BCKDHB: variants seen among roughly 807,000 people sequenced by gnomAD.
BCKDHB encodes the protein branched chain keto acid dehydrogenase E1 subunit beta, also known as 2-oxoisovalerate dehydrogenase subunit beta, mitochondrial.
Under a neutral mutation model 48.5 loss-of-function variants are expected in BCKDHB, and 41 were observed. The ratio of observed to expected loss-of-function variants is 0.85; its 90% CI spans 0.66 to 1.10. BCKDHB has a LOEUF of 1.10. BCKDHB is among the 50% of genes least tolerant of loss of function. BCKDHB has a pLI of 0.00. For synonymous variants in BCKDHB, 201 were observed against 174.8 expected (o/e 1.15, Z -1.18); for missense variants, 496 against 494.2 (o/e 1.00, Z -0.03).
chr6:80,367,085 C>A, the BCKDHB span, among the ~76,000 whole-genome samples: 3 of 152,150 alleles, frequency 2.0e-5, no homozygotes, highest in African/African-American at 7.2e-5. Context: ...TTTATTGATC[C>A]TCTCAGGCTT....
chr6:80,385,631 A>G, the BCKDHB span, among the ~76,000 whole-genome samples: 1 of 152,166 alleles, frequency 6.6e-6, no homozygotes, highest in Non-Finnish European at 1.5e-5. Flanking sequence ...GGCCGTTGCC[A>G]GGCAAAATAA....
intron 3 of BCKDHB, among the ~76,000 whole-genome samples, chr6:80,158,491 C>T (rs1018466687): frequency 6.6e-6 from 1 of 152,042 alleles, no homozygotes; most frequent in South Asian, 2.1e-4. Context: ...AATCTGGAAA[C>T]CTTGGAACCT....
At chr6:80,128,433 TA>T (rs1279714150) in intron 2 of BCKDHB, among the ~76,000 whole-genome samples, 8 of 152,078 alleles carry the variant, frequency 5.3e-5, no homozygotes, top group Non-Finnish European at 1.0e-4. Context: ...ACTGGTTAGG[TA>T]CGTTTATGAG....
intron 9 of BCKDHB, among the ~76,000 whole-genome samples, chr6:80,314,062 A>G (rs1037979215): frequency 6.6e-6 from 1 of 152,034 alleles, no homozygotes; most frequent in African/African-American, 2.4e-5. Flanking sequence ...TTCAATTTCC[A>G]TTTAGTTGTA....
chr6:80,334,660 T>C (rs1020876649), intron 9 of BCKDHB, among the ~76,000 whole-genome samples: 19 of 151,874 alleles, frequency 1.3e-4, no homozygotes, highest in Non-Finnish European at 2.4e-4. Context: ...AAGTTTAATT[T>C]TAGTAAAAAC....
chr6:80,169,678 T>C (rs9448904), intron 5 of BCKDHB: 1 of 701,688 alleles, frequency 1.4e-6, no homozygotes, highest in Non-Finnish European at 2.1e-6. Flanking sequence ...CTGAATAAGC[T>C]TTTCAGGGGA....
At chr6:80,261,404 G>C (rs888829896) in intron 8 of BCKDHB, among the ~76,000 whole-genome samples, 12 of 151,888 alleles carry the variant, frequency 7.9e-5, no homozygotes, top group African/African-American at 2.4e-4. Context: ...AGGGGAGGAG[G>C]GGGAAAGAAA....
At chr6:80,191,611 G>C (rs774277780) in intron 6 of BCKDHB, among the ~76,000 whole-genome samples, 1 of 152,194 alleles carries the variant, frequency 6.6e-6, no homozygotes, top group South Asian at 2.1e-4. Context: ...ACAGTAGCAT[G>C]TTGCAGTCAT....
intron 9 of BCKDHB, among the ~76,000 whole-genome samples, chr6:80,319,943 A>G (rs974979615): frequency 1.3e-5 from 2 of 152,182 alleles, no homozygotes; most frequent in Non-Finnish European, 2.9e-5. Context: ...GAAATAGGAA[A>G]CATTGTATAA....
intron 8 of BCKDHB, among the ~76,000 whole-genome samples, chr6:80,211,663 A>C (rs1774938536): frequency 6.6e-6 from 1 of 152,150 alleles, no homozygotes; most frequent in African/African-American, 2.4e-5. Flanking sequence ...ACCCTTTAGA[A>C]AATGTTCTTT....
the BCKDHB span, among the ~76,000 whole-genome samples, chr6:80,412,347 A>G: frequency 2.0e-5 from 3 of 151,766 alleles, no homozygotes; most frequent in Non-Finnish European, 4.4e-5. Context: ...GGGTTTCACC[A>G]TGTTGGCCAG....
intron 8 of BCKDHB, among the ~76,000 whole-genome samples, chr6:80,210,135 C>CAAAAAAA (rs61476553): frequency 1.8e-5 from 2 of 113,010 alleles, no homozygotes; most frequent in Non-Finnish European, 1.9e-5. Context: ...AAGAAATATA[C>CAAAAAAA]AAAAAAAAAA....
At chr6:80,323,863 C>T (rs966901859) in intron 9 of BCKDHB, among the ~76,000 whole-genome samples, 1 of 152,192 alleles carries the variant, frequency 6.6e-6, no homozygotes, top group Non-Finnish European at 1.5e-5. Flanking sequence ...AGCTCCGCCC[C>T]CCGGGTTCAC....
the BCKDHB span, among the ~76,000 whole-genome samples, chr6:80,363,913 T>C: frequency 5.0e-4 from 76 of 152,332 alleles, 1 homozygote; most frequent in Middle Eastern, 6.8e-3. Flanking sequence ...TGCTTACTTA[T>C]AGTCTTAATG....
the BCKDHB span, among the ~76,000 whole-genome samples, chr6:80,442,222 T>G: frequency 6.6e-6 from 1 of 152,172 alleles, no homozygotes; most frequent in Non-Finnish European, 1.5e-5. Context: ...CTACAGGGTC[T>G]TTTAGATCAT....
At chr6:80,407,580 A>G in the BCKDHB span, among the ~76,000 whole-genome samples, 4 of 152,164 alleles carry the variant, frequency 2.6e-5, no homozygotes, top group Admixed American at 6.5e-5. Context: ...AATTCTTGTA[A>G]GTTGGATTCC....
the BCKDHB span, among the ~76,000 whole-genome samples, chr6:80,425,345 A>G: frequency 2.0e-5 from 3 of 152,336 alleles, no homozygotes; most frequent in African/African-American, 2.4e-5. Context: ...TGAGCTGCCA[A>G]ATTTTCCTTT....
chr6:80,304,256 A>G (rs1767737163), intron 9 of BCKDHB, among the ~76,000 whole-genome samples: 1 of 152,076 alleles, frequency 6.6e-6, no homozygotes, highest in Non-Finnish European at 1.5e-5. Flanking sequence ...TTGTTATCCT[A>G]GGCAGAGTTG....
the BCKDHB span, among the ~76,000 whole-genome samples, chr6:80,413,016 T>C: frequency 2.0e-5 from 3 of 152,212 alleles, no homozygotes; most frequent in Non-Finnish European, 4.4e-5. Flanking sequence ...TGGAGTTCTT[T>C]GGACTTCATG....
Sources: allele counts gnomAD v4.1 joint callset (sites outside exome capture counted in the v4.1 genomes callset), GRCh38; gene constraint gnomAD v4.1.1; transcripts MANE v1.5; gene names NCBI Gene and HGNC (gene_info 2026-07-23, HGNC 2026-07-21).